Variants in ATP5F1A observed in about 807,000 individuals in gnomAD.
ATP5F1A encodes ATP synthase F1 subunit alpha.
ATP5F1A carries 24 observed loss-of-function variants against 57.4 expected under a neutral mutation model. The observed-to-expected ratio is 0.42, with a 90% CI of 0.30 to 0.59. ATP5F1A has a LOEUF of 0.59. Among genes scored for constraint, ATP5F1A ranks in the 20% least tolerant of loss-of-function variants. The probability of loss-of-function intolerance (pLI) is 0.19; values close to 1 mark genes in which losing one functional copy is unlikely to be tolerated. For missense variants in ATP5F1A, 494 were observed against 707.9 expected (o/e 0.70, Z 3.43); for synonymous variants, 251 against 255.5 (o/e 0.98, Z 0.17).
In ATP5F1A at chr18:46,084,825, CCT is replaced by C. The variant is rs370149807; in HGVS notation, c.1430-173_1430-172del. The C allele has an allele frequency of 2.8e-4, 176 of 619,412 alleles. No individual in the cohort carries two copies. The African/African-American group carries it at 3.2e-3, about 11-fold the overall frequency. The allele number at this position is 619,412 out of a possible 1,614,324, so 38.4% of individuals were successfully genotyped here. On this transcript the variant is annotated intron_variant, in intron 10 of 11. Coordinates refer to ENST00000398752, the MANE Select transcript of ATP5F1A (RefSeq NM_004046.6). ...CCACTTAATAATCCTTCCTCCCACC[CCT>C]GACAGAAAACAGTTATTTCTTATAT...
chr18:46,090,799 A>C (rs1337281620), intron 3 of ATP5F1A, among the ~76,000 whole-genome samples: 1 of 152,226 alleles, frequency 6.6e-6, no homozygotes, highest in East Asian at 1.9e-4. Context: ...TACATGATTA[A>C]TAGTGATAGT....
rs1028518566 is a variant in ATP5F1A at position 46,080,561 on chromosome 18, C to T, written c.*3721G>A. ...GAAAGGGCTGGACTCTATAGCTCAGCAAAAACACCAGGGAAAGGACTATAC... is the reference window on the plus strand; with the variant it reads ...GAAAGGGCTGGACTCTATAGCTCAGTAAAAACACCAGGGAAAGGACTATAC... On this transcript the variant is annotated 3_prime_UTR_variant, in exon 12 of 12. Transcript: ENST00000398752. 2 of 152,106 alleles carry T rather than the reference C, an allele frequency of 1.3e-5. No homozygotes were observed. Among genetic ancestry groups the T allele is most frequent in the African/African-American group, 2.4e-5 (1 of 41,416 alleles). The allele number at this position is 152,106 out of a possible 1,614,324, so 9.4% of individuals were successfully genotyped here.
intron 5 of ATP5F1A, chr18:46,089,306 G>A (rs569691804): frequency 1.7e-5 from 7 of 415,126 alleles, no homozygotes; most frequent in South Asian, 1.1e-4. Context: ...TTCATCTGGT[G>A]CCCAACATGG....
intron 10 of ATP5F1A, 66 bp downstream of exon 10, chr18:46,086,047 C>A: frequency 6.4e-7 from 1 of 1,555,462 alleles, no homozygotes; most frequent in South Asian, 1.2e-5. Flanking sequence ...TGATGCAGCT[C>A]TGTAGGCCTG....
upstream of ATP5F1A, chr18:46,098,344 G>C: frequency 7.3e-7 from 1 of 1,370,780 alleles, no homozygotes; most frequent in Admixed American, 2.7e-5. Context: ...TGACCCGGAA[G>C]TACTGCCCCT....
chr18:46,090,032 G>A (rs1177349865), intron 3 of ATP5F1A, 36 bp from the exon 4 acceptor site: 1 of 1,312,676 alleles, frequency 7.6e-7, no homozygotes, highest in Non-Finnish European at 1.0e-6. Flanking sequence ...CAATGAAGCT[G>A]AATGGGCACT....
In ATP5F1A at chr18:46,083,799, C is replaced by A. The variant is rs1420814750; in HGVS notation, c.*483G>T. The A allele has an allele frequency of 6.5e-6, 1 of 152,828 alleles. No homozygotes were observed. The highest frequency in any genetic ancestry group is 2.1e-4 in the South Asian group (1 of 4,858). 9.5% of individuals were successfully genotyped at this position (152,828 alleles called of 1,614,324 possible). A position where few individuals can be genotyped will look rare whatever the true frequency, so the allele number is the denominator to read the frequency against. ...AGGAGTTCGTGACCGGCCTGGCCAA[C>A]ATGGTGAAACCCCGTCTCTACTAAA... is the stretch of plus-strand genomic sequence containing the variant. On this transcript the variant is annotated 3_prime_UTR_variant, in exon 12 of 12. Transcript: ENST00000398752.
chr18:46,084,713 C>A, intron 10 of ATP5F1A, 59 bp from the exon 11 acceptor site: 2 of 1,468,740 alleles, frequency 1.4e-6, no homozygotes, highest in Non-Finnish European at 1.8e-6. Flanking sequence ...TGCCATGTTA[C>A]CAAGGTCAGG....
upstream of ATP5F1A, among the ~76,000 whole-genome samples, chr18:46,101,259 A>G (rs1911265785): frequency 6.6e-6 from 1 of 152,152 alleles, no homozygotes; most frequent in Non-Finnish European, 1.5e-5. Flanking sequence ...TAACAGGAAA[A>G]AATATCGTTT....
At chr18:46,095,524 C>A (rs1359004874) in intron 1 of ATP5F1A, among the ~76,000 whole-genome samples, 1 of 151,892 alleles carries the variant, frequency 6.6e-6, no homozygotes, top group Non-Finnish European at 1.5e-5. Context: ...ACCATGCTGG[C>A]CAGGCTGGTC....
rs1364021688 is a variant in ATP5F1A at position 46,082,543 on chromosome 18, G to A, written c.*1739C>T. On this transcript the variant is annotated 3_prime_UTR_variant, in exon 12 of 12. Coordinates refer to ENST00000398752, the MANE Select transcript of ATP5F1A (RefSeq NM_004046.6). ...TACTAAAAATACAAAAATTAGCAGG[G>A]CATGGTGGTGGGTGCCTGTAGTTCC... The A allele has an allele frequency of 2.6e-5, 4 of 151,864 alleles. No homozygotes were observed. In the East Asian group the frequency reaches 5.8e-4, roughly 22 times the overall value. The allele number at this position is 151,864 out of a possible 1,614,324, so 9.4% of individuals were successfully genotyped here.
intron 5 of ATP5F1A, 149 bp downstream of exon 5, chr18:46,089,417 C>A: frequency 3.9e-6 from 3 of 763,864 alleles, no homozygotes; most frequent in East Asian, 2.8e-5. Context: ...GAGGGGCTGG[C>A]CCCCTTCACT....
At chr18:46,102,196 G>A (rs2144233726), upstream of ATP5F1A, among the ~76,000 whole-genome samples, 1 of 152,016 alleles carries the variant, frequency 6.6e-6, no homozygotes, top group East Asian at 1.9e-4. Context: ...AAATTGCAGG[G>A]ATATTTTGTA....
In ATP5F1A at chr18:46,087,388, C is replaced by G; in HGVS notation, c.904G>C (p.Asp302His). The G allele has an allele frequency of 6.2e-7, 1 of 1,614,128 alleles. No individual in the cohort carries two copies. The highest frequency in any genetic ancestry group is 8.5e-7 in the Non-Finnish European group (1 of 1,180,036). Residue 302 changes from aspartate to histidine, a missense_variant, in exon 7 of 12, where the codon GAC becomes CAC. By Grantham distance (81) the Asp-to-His change is moderately conservative (BLOSUM62 -1). Coordinates refer to ENST00000398752, the MANE Select transcript of ATP5F1A (RefSeq NM_004046.6). ...ATGATCAAAGCATGTTTGCCATTGT[C>G]TCTAAAATACTCTCCCATGGAACAG... ...SGCSMGEYFR[D>H]NGKHALIIYD...
At chr18:46,093,685 G>A (rs1910726317) in intron 2 of ATP5F1A, among the ~76,000 whole-genome samples, 1 of 152,124 alleles carries the variant, frequency 6.6e-6, no homozygotes, top group Non-Finnish European at 1.5e-5. Flanking sequence ...TTAGCCAGGT[G>A]TGGTGGTGCG....
upstream of ATP5F1A, among the ~76,000 whole-genome samples, chr18:46,101,507 G>A (rs1271153119): frequency 6.6e-6 from 1 of 152,092 alleles, no homozygotes; most frequent in African/African-American, 2.4e-5. Context: ...GAAGGTTGCA[G>A]TGAGCCAGGT....
At chr18:46,097,970 C>T in intron 1 of ATP5F1A, 1 of 1,406,206 alleles carries the variant, frequency 7.1e-7, no homozygotes, top group Non-Finnish European at 9.2e-7. Context: ...TAACTGTCTG[C>T]CCTGTACCAT....
At chr18:46,092,729 C>G (rs1242149000) in intron 2 of ATP5F1A, among the ~76,000 whole-genome samples, 1 of 151,654 alleles carries the variant, frequency 6.6e-6, no homozygotes, top group Non-Finnish European at 1.5e-5. Context: ...CAAATGTAAA[C>G]CAGACAAGAA....
At chr18:46,095,228 G>T in intron 1 of ATP5F1A, 97 bp from the exon 2 acceptor site, 1 of 1,114,976 alleles carries the variant, frequency 9.0e-7, no homozygotes, top group Non-Finnish European at 1.3e-6. Flanking sequence ...TCAAAGTACT[G>T]GTGAAAATGC....
Sources: gnomAD v4.1 joint callset for allele counts (sites outside exome capture counted in the v4.1 genomes callset) on GRCh38, gnomAD v4.1.1 for gene constraint, MANE v1.5 for transcripts, NCBI Gene and HGNC (gene_info 2026-07-23, HGNC 2026-07-21) for gene names.